Variants in SUCLG2 observed in about 807,000 individuals in gnomAD.
The protein encoded by SUCLG2 is succinate--CoA ligase [GDP-forming] subunit beta, mitochondrial.
Under a neutral mutation model 47.9 loss-of-function variants are expected in SUCLG2, and 42 were observed. The ratio of observed to expected loss-of-function variants is 0.88; its 90% CI spans 0.69 to 1.14. SUCLG2 has a LOEUF of 1.14. Ranked by LOEUF, SUCLG2 falls within the 50% of genes most tolerant of loss-of-function variation. The probability of loss-of-function intolerance (pLI) is 0.00; values close to 1 mark genes in which losing one functional copy is unlikely to be tolerated. For synonymous variants in SUCLG2, 195 were observed against 197.3 expected (o/e 0.99, Z 0.10); for missense variants, 571 against 525.9 (o/e 1.09, Z -0.84).
chr3:67,469,058 C>G (rs1483349183), intron 9 of SUCLG2, among the ~76,000 whole-genome samples: 1 of 152,148 alleles, frequency 6.6e-6, no homozygotes, highest in Non-Finnish European at 1.5e-5. Flanking sequence ...GCAGAAAGAA[C>G]AGCTCAGTCG....
intron 7 of SUCLG2, 76 bp downstream of exon 7, chr3:67,508,731 T>C (rs894730592): frequency 9.0e-7 from 1 of 1,116,312 alleles, no homozygotes; most frequent in East Asian, 2.6e-5. Flanking sequence ...GCTGCTACAG[T>C]CTTTTGTGCA....
chr3:67,466,618 C>T (rs1380486257), intron 9 of SUCLG2, among the ~76,000 whole-genome samples: 2 of 152,162 alleles, frequency 1.3e-5, no homozygotes, highest in African/African-American at 2.4e-5. Flanking sequence ...AGATGGCATC[C>T]GGCAAGATGA....
intron 9 of SUCLG2, among the ~76,000 whole-genome samples, chr3:67,491,176 C>T (rs1251052738): frequency 2.0e-5 from 3 of 148,298 alleles, no homozygotes; most frequent in Admixed American, 1.4e-4. Flanking sequence ...AAAAATTAGC[C>T]GGGCATGGTG....
intron 10 of SUCLG2, among the ~76,000 whole-genome samples, chr3:67,365,561 A>T (rs1490269): frequency 0.22 from 32,832 of 152,108 alleles, 3,673 homozygotes; most frequent in Non-Finnish European, 0.25. Context: ...ATTTTTGTGC[A>T]TTTGATATTT....
At chr3:67,417,324 C>T (rs1332587770) in intron 9 of SUCLG2, among the ~76,000 whole-genome samples, 1 of 152,176 alleles carries the variant, frequency 6.6e-6, no homozygotes, top group African/African-American at 2.4e-5. Flanking sequence ...GTCATCATTG[C>T]TAGCTGCCTA....
intron 9 of SUCLG2, among the ~76,000 whole-genome samples, chr3:67,458,063 C>T (rs1343476752): frequency 6.6e-6 from 1 of 152,046 alleles, no homozygotes; most frequent in African/African-American, 2.4e-5. Context: ...TGAAGGGGCC[C>T]TTTGGAGATA....
intron 3 of SUCLG2, 95 bp from the exon 4 acceptor site, chr3:67,528,317 G>A (rs1448099573): frequency 5.4e-6 from 6 of 1,111,000 alleles, no homozygotes; most frequent in African/African-American, 1.6e-5. Flanking sequence ...CACTGCAAAG[G>A]GTTCACCTTC....
chr3:67,398,437 C>A (rs1456687958), intron 10 of SUCLG2, among the ~76,000 whole-genome samples: 1 of 151,666 alleles, frequency 6.6e-6, no homozygotes, highest in East Asian at 1.9e-4. Flanking sequence ...TCATCACTGG[C>A]CATCAGAGAA....
intron 1 of SUCLG2, among the ~76,000 whole-genome samples, chr3:67,638,766 C>A (rs929569026): frequency 3.9e-5 from 6 of 152,158 alleles, no homozygotes; most frequent in Non-Finnish European, 8.8e-5. Context: ...TAAGCAGTAA[C>A]CCAATTGTAG....
chr3:67,560,687 A>G (rs1707286116), intron 2 of SUCLG2, among the ~76,000 whole-genome samples: 1 of 152,114 alleles, frequency 6.6e-6, no homozygotes, highest in Non-Finnish European at 1.5e-5. Context: ...CCCCAGGAGT[A>G]AACTCAGCCT....
intron 2 of SUCLG2, among the ~76,000 whole-genome samples, chr3:67,566,885 C>T (rs1453803078): frequency 6.6e-6 from 1 of 152,166 alleles, no homozygotes; most frequent in African/African-American, 2.4e-5. Flanking sequence ...TGTCTAACCT[C>T]CTTTAAAAGG....
At chr3:67,508,620 T>C (rs1705704214) in intron 7 of SUCLG2, among the ~76,000 whole-genome samples, 187 bp downstream of exon 7, 4 of 152,200 alleles carry the variant, frequency 2.6e-5, no homozygotes, top group Admixed American at 2.6e-4. Context: ...GCTTGGCATT[T>C]GGCTACAAAC....
chr3:67,565,183 T>C (rs1462779424), intron 2 of SUCLG2, among the ~76,000 whole-genome samples: 1 of 152,214 alleles, frequency 6.6e-6, no homozygotes, highest in African/African-American at 2.4e-5. Flanking sequence ...TAAAACAGGT[T>C]CCTTGATTTC....
chr3:67,427,229 G>C (rs900379585), intron 9 of SUCLG2, among the ~76,000 whole-genome samples: 1 of 152,082 alleles, frequency 6.6e-6, no homozygotes. Flanking sequence ...CCAATTCACA[G>C]GTGAAACTGA....
At chr3:67,568,432 A>C (rs6772446) in intron 2 of SUCLG2, among the ~76,000 whole-genome samples, 8,984 of 152,306 alleles carry the variant, frequency 0.059, 403 homozygotes, top group African/African-American at 0.12. Flanking sequence ...AGAAAGAGAT[A>C]AATGAGAGAG....
intron 2 of SUCLG2, among the ~76,000 whole-genome samples, chr3:67,556,752 C>T (rs1707171893): frequency 6.6e-6 from 1 of 152,170 alleles, no homozygotes; most frequent in African/African-American, 2.4e-5. Flanking sequence ...GCTTTATGTA[C>T]AAACCAGTAA....
intron 6 of SUCLG2, among the ~76,000 whole-genome samples, chr3:67,510,101 G>A (rs1705747328): frequency 6.6e-6 from 1 of 152,196 alleles, no homozygotes; most frequent in South Asian, 2.1e-4. Flanking sequence ...TAACACCACT[G>A]CCTCATTTTT....
chr3:67,404,208 A>G (rs1702752521), intron 9 of SUCLG2, among the ~76,000 whole-genome samples: 1 of 152,112 alleles, frequency 6.6e-6, no homozygotes, highest in African/African-American at 2.4e-5. Context: ...AACTGGGTAG[A>G]CGCAAGTCTT....
intron 2 of SUCLG2, among the ~76,000 whole-genome samples, chr3:67,584,093 T>C (rs1441077249): frequency 6.6e-6 from 1 of 152,156 alleles, no homozygotes; most frequent in East Asian, 1.9e-4. Flanking sequence ...CATAAAGACT[T>C]GGACATAAGT....
Sources: allele counts gnomAD v4.1 joint callset (sites outside exome capture counted in the v4.1 genomes callset), GRCh38; gene constraint gnomAD v4.1.1; transcripts MANE v1.5; gene names NCBI Gene and HGNC (gene_info 2026-07-23, HGNC 2026-07-21).